GUCY1A2: variants seen among roughly 807,000 people sequenced by gnomAD.
GUCY1A2 encodes the protein guanylate cyclase 1 soluble subunit alpha 2.
Under a neutral mutation model 63.5 loss-of-function variants are expected in GUCY1A2, and 27 were observed. The observed-to-expected ratio is 0.43, with a 90% CI of 0.31 to 0.59. The LOEUF is 0.59. GUCY1A2 is among the 20% of genes least tolerant of loss of function. GUCY1A2 has a pLI of 0.11. For missense variants in GUCY1A2, 768 were observed against 913.3 expected (o/e 0.84, Z 2.05); for synonymous variants, 364 against 343.5 (o/e 1.06, Z -0.66).
chr11:106,981,272 T>G (rs1591353119), intron 2 of GUCY1A2, among the ~76,000 whole-genome samples: 1 of 152,326 alleles, frequency 6.6e-6, no homozygotes, highest in Non-Finnish European at 1.5e-5. Flanking sequence ...AGTGTTCTAC[T>G]GAAATTATTC....
chr11:106,879,234 TG>T (rs1859791984), intron 4 of GUCY1A2, among the ~76,000 whole-genome samples: 1 of 152,106 alleles, frequency 6.6e-6, no homozygotes. Context: ...GTCCTATGTG[TG>T]TTTATTCAGC....
intron 6 of GUCY1A2, among the ~76,000 whole-genome samples, chr11:106,722,774 A>T (rs1369887808): frequency 1.4e-5 from 2 of 137,972 alleles, no homozygotes; most frequent in Non-Finnish European, 3.1e-5. Context: ...ATAGTCATCA[A>T]AGACCAGTTC....
At chr11:106,807,721 C>T (rs115101680) in intron 5 of GUCY1A2, among the ~76,000 whole-genome samples, 2,010 of 152,288 alleles carry the variant, frequency 0.013, 45 homozygotes, top group African/African-American at 0.046. Flanking sequence ...GAGAGGCAGA[C>T]CCACCTTCAA....
chr11:106,722,087 G>A (rs1863326983), intron 6 of GUCY1A2, among the ~76,000 whole-genome samples: 1 of 152,046 alleles, frequency 6.6e-6, no homozygotes, highest in East Asian at 1.9e-4. Context: ...AAGAATAAAT[G>A]AAAATGAAAG....
In GUCY1A2 at chr11:106,749,010, A is replaced by G. The variant is rs189652725; in HGVS notation, c.1836+27429T>C. Among the ~76,000 whole-genome samples the G allele has an allele frequency of 9.4e-4, 143 of 152,212 alleles. 1 individual carries two copies. Among genetic ancestry groups the G allele is most frequent in the Non-Finnish European group, 1.7e-3 (114 of 68,008 alleles). On this transcript the variant is annotated intron_variant, in intron 6 of 7. Transcript: ENST00000526355. Reference sequence around the variant, plus strand: ...TGGATAATGATGGGCTCACATATACAATGGCAATCCCTTAAGATTATAATA... The same window carrying G: ...TGGATAATGATGGGCTCACATATACGATGGCAATCCCTTAAGATTATAATA...
At chr11:106,751,326 G>A (rs1252973770) in intron 6 of GUCY1A2, among the ~76,000 whole-genome samples, 2 of 152,078 alleles carry the variant, frequency 1.3e-5, no homozygotes, top group Non-Finnish European at 2.9e-5. Context: ...AGTCTTGCCA[G>A]CTAAGGCAGT....
intron 1 of GUCY1A2, among the ~76,000 whole-genome samples, chr11:106,998,653 C>A (rs1401985702): frequency 1.3e-5 from 2 of 152,114 alleles, no homozygotes; most frequent in Non-Finnish European, 1.5e-5. Flanking sequence ...ATTATTACCA[C>A]AACACATATT....
At chr11:106,781,112 C>CAAAAAAAAAAAAAAAAAA (rs565279937) in intron 5 of GUCY1A2, among the ~76,000 whole-genome samples, 2 of 88,998 alleles carry the variant, frequency 2.2e-5, no homozygotes, top group Admixed American at 1.3e-4. Context: ...AAACAGACTA[C>CAAAAAAAAAAAAAAAAAA]AAAAAAAAAA....
At chr11:106,749,580 C>T (rs1204083509) in intron 6 of GUCY1A2, among the ~76,000 whole-genome samples, 2 of 152,054 alleles carry the variant, frequency 1.3e-5, no homozygotes. Flanking sequence ...AGTTAATGTC[C>T]TTGGAGTGTT....
intron 7 of GUCY1A2, among the ~76,000 whole-genome samples, chr11:106,699,075 CTTGGAT>C (rs1436228866): frequency 6.6e-6 from 1 of 152,140 alleles, no homozygotes. Flanking sequence ...TATGTTCTAC[CTTGGAT>C]TTTGAGTTAG....
chr11:106,848,175 T>C (rs2135448663), intron 4 of GUCY1A2, among the ~76,000 whole-genome samples: 1 of 151,788 alleles, frequency 6.6e-6, no homozygotes, highest in Non-Finnish European at 1.5e-5. Flanking sequence ...TTTTTACATG[T>C]TGTTCAATTT....
chr11:107,001,742 G>A (rs969951212), intron 1 of GUCY1A2, among the ~76,000 whole-genome samples: 3 of 151,982 alleles, frequency 2.0e-5, no homozygotes, highest in African/African-American at 7.3e-5. Context: ...TTATTGCCCA[G>A]GCACAGTGAC....
chr11:106,772,549 T>A (rs1864276160), intron 6 of GUCY1A2, among the ~76,000 whole-genome samples: 1 of 152,166 alleles, frequency 6.6e-6, no homozygotes, highest in Non-Finnish European at 1.5e-5. Context: ...TATTTTGAAT[T>A]CTCTTTCTGC....
At chr11:106,952,131 G>A (rs1279112267) in intron 3 of GUCY1A2, among the ~76,000 whole-genome samples, 1 of 152,120 alleles carries the variant, frequency 6.6e-6, no homozygotes, top group African/African-American at 2.4e-5. Flanking sequence ...TGCTATTTTG[G>A]TTACTGTAGC....
intron 4 of GUCY1A2, among the ~76,000 whole-genome samples, chr11:106,904,287 T>C (rs1860174262): frequency 6.6e-6 from 1 of 152,118 alleles, no homozygotes; most frequent in Admixed American, 6.6e-5. Context: ...ATAAGTAACA[T>C]ACTGAAAGTG....
At chr11:106,778,230 T>TTAG (rs1864394814) in intron 5 of GUCY1A2, among the ~76,000 whole-genome samples, 1 of 152,226 alleles carries the variant, frequency 6.6e-6, no homozygotes, top group Non-Finnish European at 1.5e-5. Flanking sequence ...AATGCACAAT[T>TTAG]CCAGTGTCAC....
Position 106,917,903 on chromosome 11 carries a change from C to T in GUCY1A2, c.1206+21557G>A. Among the ~76,000 whole-genome samples, 2 of 139,830 alleles carry T rather than the reference C, an allele frequency of 1.4e-5. 1 individual carries two copies. The highest frequency in any genetic ancestry group is 4.4e-4 in the East Asian group (2 of 4,498). 91.7% of individuals were successfully genotyped at this position (139,830 alleles called of 152,430 possible). A position where few individuals can be genotyped will look rare whatever the true frequency, so the allele number is the denominator to read the frequency against. ...GCACATGTATACATATGTAACTAAC[C>T]TACACGTTGTGCACAGGTACCCTAA... On this transcript the variant is annotated intron_variant, in intron 4 of 7. Transcript: ENST00000526355.
chr11:107,018,154 C>A lies in GUCY1A2; in HGVS notation c.-99G>T. The A allele has an allele frequency of 1.5e-6, 1 of 656,870 alleles. No individual in the cohort carries two copies. The highest frequency in any genetic ancestry group is 2.1e-6 in the Non-Finnish European group (1 of 478,474). 40.7% of individuals were successfully genotyped at this position (656,870 alleles called of 1,614,324 possible). On this transcript the variant is annotated 5_prime_UTR_variant, in exon 1 of 8. Coordinates refer to ENST00000526355, the MANE Select transcript of GUCY1A2 (RefSeq NM_000855.3). ...GACCGGCAAGCGACAACGTTAAGCG[C>A]GTCGGGGCCGCGGGGCGCTGCGGTC...
intron 4 of GUCY1A2, among the ~76,000 whole-genome samples, chr11:106,892,279 T>A (rs1859984928): frequency 6.6e-6 from 1 of 152,154 alleles, no homozygotes; most frequent in Admixed American, 6.5e-5. Flanking sequence ...AAATAATAAC[T>A]ATAAATTTAG....
Sources: gnomAD v4.1 joint callset for allele counts (sites outside exome capture counted in the v4.1 genomes callset) on GRCh38, gnomAD v4.1.1 for gene constraint, MANE v1.5 for transcripts, NCBI Gene and HGNC (gene_info 2026-07-23, HGNC 2026-07-21) for gene names.